PASD1: variants seen among roughly 807,000 people sequenced by gnomAD.
PASD1 encodes the protein PAS domain containing repressor 1.
PASD1 carries 13 observed loss-of-function variants against 58.8 expected under a neutral mutation model. The observed-to-expected ratio is 0.22, with a 90% CI of 0.14 to 0.35. PASD1 has a LOEUF of 0.35. PASD1 is among the 10% of genes least tolerant of loss of function. The pLI, the probability that PASD1 is intolerant of heterozygous loss-of-function variation, is 1.00. For synonymous variants in PASD1, 236 were observed against 216.7 expected (o/e 1.09, Z -0.78); for missense variants, 734 against 568.3 (o/e 1.29, Z -2.96).
intron 4 of PASD1, among the ~76,000 whole-genome samples, chrX:151,614,786 G>A (rs1311343912): frequency 9.0e-6 from 1 of 111,685 alleles, no homozygotes; most frequent in Non-Finnish European, 1.9e-5. Flanking sequence ...TTTTAGCCAG[G>A]CCAGTTGGCA....
At chrX:151,628,858 T>G (rs2013828972) in intron 8 of PASD1, among the ~76,000 whole-genome samples, 1 of 111,577 alleles carries the variant, frequency 9.0e-6, no homozygotes, top group African/African-American at 3.3e-5. Context: ...GTATCCTCTT[T>G]TATTTCATTG....
At chrX:151,632,999 C>G (rs1420430770) in intron 8 of PASD1, among the ~76,000 whole-genome samples, 1 of 112,075 alleles carries the variant, frequency 8.9e-6, no homozygotes, top group Non-Finnish European at 1.9e-5. Flanking sequence ...CCTTACTAAT[C>G]TATGCAGACA....
chrX:151,596,974 T>C (rs1246055851), intron 1 of PASD1, among the ~76,000 whole-genome samples: 1 of 112,408 alleles, frequency 8.9e-6, no homozygotes, highest in Admixed American at 9.4e-5. Context: ...AACTGGGATG[T>C]TGAATTATAT....
At chrX:151,673,210 A>G (rs1330565994) in intron 14 of PASD1, 1 of 118,944 alleles carries the variant, frequency 8.4e-6, no homozygotes, top group Non-Finnish European at 1.8e-5. Flanking sequence ...AGGGACATGA[A>G]CACATTTCTG....
chrX:151,621,665 T>C, intron 6 of PASD1, 73 bp downstream of exon 6: 1 of 695,847 alleles, frequency 1.4e-6, no homozygotes, highest in Non-Finnish European at 2.1e-6. Context: ...ACATAAATGC[T>C]CTTCTGCTTG....
chrX:151,661,334 C>T (rs1331809176), intron 10 of PASD1, among the ~76,000 whole-genome samples: 1 of 111,622 alleles, frequency 9.0e-6, no homozygotes, highest in Non-Finnish European at 1.9e-5. Flanking sequence ...ACAATTCGCT[C>T]ATGACCATAG....
chrX:151,663,913 G>C (rs2014341158), intron 10 of PASD1, among the ~76,000 whole-genome samples: 1 of 111,917 alleles, frequency 8.9e-6, no homozygotes, highest in South Asian at 3.8e-4. Context: ...TTAAGCTGGA[G>C]GGTAGGCAGT....
intron 10 of PASD1, among the ~76,000 whole-genome samples, chrX:151,660,202 G>C (rs1484147107): frequency 9.0e-6 from 1 of 111,600 alleles, no homozygotes; most frequent in Non-Finnish European, 1.9e-5. Context: ...CAATAAAGGG[G>C]GAAAGTGAGA....
Position 151,674,886 on chromosome X carries a change from G to T in PASD1, c.2175+700G>T, listed in dbSNP as rs2014525010. Among the ~76,000 whole-genome samples the T allele has an allele frequency of 3.6e-5, 4 of 111,391 alleles. No individual in the cohort carries two copies. The South Asian group carries it at 1.5e-3, about 42-fold the overall frequency. ...TAACCAGAACAAACAGTAAGCTAAG[G>T]CAGAAAGGAGTTTAAATACTTGAGG... On this transcript the variant is annotated intron_variant, in intron 15 of 15. Coordinates refer to ENST00000370357, the MANE Select transcript of PASD1 (RefSeq NM_173493.3).
intron 11 of PASD1, among the ~76,000 whole-genome samples, chrX:151,667,430 G>A (rs1215915281): frequency 9.0e-6 from 1 of 111,467 alleles, no homozygotes; most frequent in African/African-American, 3.3e-5. Context: ...CATTGCTTTC[G>A]GTGTTTTAGA....
chrX:151,595,185 T>A (rs2013303031), intron 1 of PASD1, among the ~76,000 whole-genome samples: 1 of 111,628 alleles, frequency 9.0e-6, no homozygotes, highest in Non-Finnish European at 1.9e-5. Context: ...GGCAAAAAAA[T>A]TGGTAATTAT....
chrX:151,584,236 T>A (rs944309017), intron 1 of PASD1, among the ~76,000 whole-genome samples: 1 of 111,758 alleles, frequency 8.9e-6, no homozygotes, highest in African/African-American at 3.3e-5. Flanking sequence ...GCAGAAGCTT[T>A]TCTTTTCTTC....
At chrX:151,564,052 C>T (rs2012789108) in intron 1 of PASD1, among the ~76,000 whole-genome samples, 1 of 112,485 alleles carries the variant, frequency 8.9e-6, no homozygotes, top group African/African-American at 3.2e-5. Context: ...GGGGGTTACA[C>T]GAGGAAGACC....
At chrX:151,617,136 G>C (rs369093613) in intron 4 of PASD1, among the ~76,000 whole-genome samples, 1 of 111,003 alleles carries the variant, frequency 9.0e-6, no homozygotes, top group African/African-American at 3.3e-5. Flanking sequence ...TTAGTTTTTC[G>C]CTGGTATTTA....
intron 3 of PASD1, among the ~76,000 whole-genome samples, chrX:151,610,998 C>G (rs1210071151): frequency 9.0e-6 from 1 of 110,953 alleles, no homozygotes; most frequent in Non-Finnish European, 1.9e-5. Context: ...TTGTACAGGC[C>G]TCGGCTTTGC....
intron 8 of PASD1, among the ~76,000 whole-genome samples, chrX:151,633,076 A>G (rs1451698691): frequency 9.0e-6 from 1 of 111,389 alleles, no homozygotes; most frequent in Non-Finnish European, 1.9e-5. Context: ...GTGTCTGGTG[A>G]TTTCTTCAAT....
chrX:151,675,340 C>G (rs1176429835), intron 15 of PASD1, among the ~76,000 whole-genome samples: 1 of 111,756 alleles, frequency 8.9e-6, no homozygotes, highest in Non-Finnish European at 1.9e-5. Flanking sequence ...CTTATCCCTA[C>G]TGCCTTCTGG....
intron 1 of PASD1, among the ~76,000 whole-genome samples, chrX:151,586,264 G>A (rs769168687): frequency 8.9e-6 from 1 of 112,332 alleles, no homozygotes; most frequent in East Asian, 2.8e-4. Flanking sequence ...CATCAGTTGG[G>A]CCTCCAAAAT....
chrX:151,575,692 C>T (rs1309461143), intron 1 of PASD1, among the ~76,000 whole-genome samples: 1 of 109,680 alleles, frequency 9.1e-6, no homozygotes, highest in African/African-American at 3.3e-5. Flanking sequence ...CTCTCTCTGT[C>T]ACCCAGGCTG....
Sources: gnomAD v4.1 joint callset for allele counts (sites outside exome capture counted in the v4.1 genomes callset) on GRCh38, gnomAD v4.1.1 for gene constraint, MANE v1.5 for transcripts, NCBI Gene and HGNC (gene_info 2026-07-23, HGNC 2026-07-21) for gene names.